The following GRXCR1 variants were observed in gnomAD, a reference collection of about 807,000 sequenced individuals.
GRXCR1 encodes glutaredoxin domain-containing cysteine-rich protein 1.
Under a neutral mutation model 27.3 loss-of-function variants are expected in GRXCR1, and 27 were observed. The observed-to-expected ratio is 0.99, with a 90% CI of 0.73 to 1.37. GRXCR1 has a LOEUF of 1.37. Among genes scored for constraint, GRXCR1 ranks in the 40% most tolerant of loss-of-function variants. The pLI is 0.00. For synonymous variants in GRXCR1, 122 were observed against 131.1 expected (o/e 0.93, Z 0.47); for missense variants, 379 against 354.4 (o/e 1.07, Z -0.56).
intron 2 of GRXCR1, among the ~76,000 whole-genome samples, chr4:42,987,243 T>TAA (rs1560676876): frequency 2.9e-4 from 22 of 76,804 alleles, no homozygotes; most frequent in African/African-American, 8.8e-4. Context: ...ATATATATAA[T>TAA]ATATAATATA....
In GRXCR1 at chr4:43,009,340, T is replaced by C. The variant is rs565429011; in HGVS notation, c.628-11014T>C. ...CCTGTTTCACTTCTTTTCATAAACA[T>C]TGTAGTTAATATAAATTTTTAAATT... is the stretch of plus-strand genomic sequence containing the variant. On this transcript the variant is annotated intron_variant, in intron 2 of 3. Coordinates refer to ENST00000399770, the MANE Select transcript of GRXCR1 (RefSeq NM_001080476.3). Among the ~76,000 whole-genome samples, 36 of 152,284 alleles carry C rather than the reference T, an allele frequency of 2.4e-4. 4 individuals are homozygous for C. Among genetic ancestry groups the C allele is most frequent in the South Asian group, 1.9e-3 (9 of 4,824 alleles).
At chr4:43,000,747 G>T (rs1002948998) in intron 2 of GRXCR1, among the ~76,000 whole-genome samples, 2 of 151,958 alleles carry the variant, frequency 1.3e-5, no homozygotes, top group Non-Finnish European at 2.9e-5. Flanking sequence ...CCACGAGGGG[G>T]TCCTGAAATG....
intron 2 of GRXCR1, among the ~76,000 whole-genome samples, chr4:43,017,485 A>C (rs1291965538): frequency 1.3e-5 from 2 of 152,208 alleles, no homozygotes; most frequent in Non-Finnish European, 2.9e-5. Flanking sequence ...AAACTGAGAT[A>C]GTTCCTTTCT....
intron 2 of GRXCR1, among the ~76,000 whole-genome samples, chr4:43,006,042 A>G (rs1712546696): frequency 6.6e-6 from 1 of 152,304 alleles, no homozygotes; most frequent in African/African-American, 2.4e-5. Flanking sequence ...ATAATTTCTT[A>G]TGCCTGTCTT....
chr4:42,959,732 T>C lies in GRXCR1; in HGVS notation c.385-3160T>C, dbSNP rs189801677. ...AATGTAGATTCTGAGTCAGTAGATCTGGGGCGAGGCCTGTGATTCTGCATG... is the reference window on the plus strand; with the variant it reads ...AATGTAGATTCTGAGTCAGTAGATCCGGGGCGAGGCCTGTGATTCTGCATG... On this transcript the variant is annotated intron_variant, in intron 1 of 3. Transcript: ENST00000399770. 7.6e-4 allele frequency among the ~76,000 whole-genome samples: 115 copies of C among 152,088 alleles called. 1 individual carries two copies. Among genetic ancestry groups the C allele is most frequent in the African/African-American group, 2.7e-3 (111 of 41,532 alleles).
chr4:43,004,216 G>C (rs1358529898), intron 2 of GRXCR1, among the ~76,000 whole-genome samples: 2 of 152,370 alleles, frequency 1.3e-5, no homozygotes, highest in East Asian at 3.9e-4. Flanking sequence ...ATGGTGTTGG[G>C]CCTGTGAGTG....
intron 2 of GRXCR1, among the ~76,000 whole-genome samples, chr4:43,014,974 G>A (rs1488709883): frequency 6.6e-6 from 1 of 152,134 alleles, no homozygotes; most frequent in Non-Finnish European, 1.5e-5. Context: ...GACTGATTTT[G>A]TCTGGGAAAA....
chr4:42,964,492 G>C lies in GRXCR1; in HGVS notation c.627+1358G>C, dbSNP rs574430231. 3.3e-5 allele frequency among the ~76,000 whole-genome samples: 5 copies of C among 151,986 alleles called. No homozygotes were observed. In the South Asian group the frequency reaches 1.0e-3, roughly 32 times the overall value. ...CCCATAGGCTGATTGTGAGAATATT[G>C]AGCTAATACATATTAAGCACTTGGT... is the stretch of plus-strand genomic sequence containing the variant. On this transcript the variant is annotated intron_variant, in intron 2 of 3. Coordinates refer to ENST00000399770, the MANE Select transcript of GRXCR1 (RefSeq NM_001080476.3).
At chr4:42,981,139 T>C (rs1006476645) in intron 2 of GRXCR1, among the ~76,000 whole-genome samples, 1 of 148,466 alleles carries the variant, frequency 6.7e-6, no homozygotes, top group African/African-American at 2.5e-5. Flanking sequence ...AGCTTAATGA[T>C]TTTCTGTAGT....
At chr4:42,941,705 T>C (rs955187263) in intron 1 of GRXCR1, among the ~76,000 whole-genome samples, 1 of 151,968 alleles carries the variant, frequency 6.6e-6, no homozygotes, top group African/African-American at 2.4e-5. Context: ...TATAACACCA[T>C]GGTGTGGGCC....
chr4:42,924,823 A>C (rs948048262), intron 1 of GRXCR1, among the ~76,000 whole-genome samples: 4 of 152,064 alleles, frequency 2.6e-5, no homozygotes, highest in African/African-American at 9.7e-5. Flanking sequence ...AGAATGCAGG[A>C]TGGGGGTAAC....
intron 1 of GRXCR1, among the ~76,000 whole-genome samples, chr4:42,957,534 C>T (rs1435920604): frequency 2.0e-5 from 3 of 151,974 alleles, no homozygotes; most frequent in African/African-American, 7.2e-5. Context: ...TCTCTCTCTA[C>T]CTCCACTTTA....
chr4:42,964,115 G>A (rs923358657), intron 2 of GRXCR1, among the ~76,000 whole-genome samples: 1 of 151,956 alleles, frequency 6.6e-6, no homozygotes, highest in Admixed American at 6.6e-5. Flanking sequence ...ACCAGAGCTG[G>A]ACACACATTA....
chr4:42,969,120 G>A (rs1748320445), intron 2 of GRXCR1, among the ~76,000 whole-genome samples: 1 of 152,026 alleles, frequency 6.6e-6, no homozygotes, highest in Admixed American at 6.6e-5. Context: ...TTTCTGTATG[G>A]GAGTGTTATT....
intron 2 of GRXCR1, among the ~76,000 whole-genome samples, chr4:43,002,133 G>C (rs200143460): frequency 1.3e-5 from 2 of 152,218 alleles, no homozygotes; most frequent in Admixed American, 6.5e-5. Flanking sequence ...CCAGGGGCAG[G>C]CAGGAGACAG....
chr4:43,004,290 C>T (rs1165557378), intron 2 of GRXCR1, among the ~76,000 whole-genome samples: 2 of 152,212 alleles, frequency 1.3e-5, no homozygotes. Flanking sequence ...TATGGAAACA[C>T]CTGGATGTCC....
chr4:42,973,798 G>A (rs1386435950), intron 2 of GRXCR1, among the ~76,000 whole-genome samples: 1 of 152,130 alleles, frequency 6.6e-6, no homozygotes, highest in Non-Finnish European at 1.5e-5. Flanking sequence ...CCCTTTCAAT[G>A]AAGATAATAG....
chr4:42,938,149 G>T (rs568999371), intron 1 of GRXCR1, among the ~76,000 whole-genome samples: 1 of 151,884 alleles, frequency 6.6e-6, no homozygotes, highest in South Asian at 2.1e-4. Flanking sequence ...TTAATATTTA[G>T]CCCCAATAAA....
chr4:42,919,507 C>T (rs923714937), intron 1 of GRXCR1, among the ~76,000 whole-genome samples: 1 of 152,182 alleles, frequency 6.6e-6, no homozygotes, highest in East Asian at 1.9e-4. Context: ...TATTCCTTTC[C>T]AGGATAAATC....
Sources: allele counts gnomAD v4.1 joint callset (sites outside exome capture counted in the v4.1 genomes callset), GRCh38; gene constraint gnomAD v4.1.1; transcripts MANE v1.5; gene names NCBI Gene and HGNC (gene_info 2026-07-23, HGNC 2026-07-21).